The following DPYS variants were observed in gnomAD, a reference collection of about 807,000 sequenced individuals.
DPYS encodes the protein dihydropyrimidine amidohydrolase.
A neutral mutation model predicts 50.3 loss-of-function variants in DPYS; 39 were observed. The observed-to-expected ratio is 0.78, with a 90% CI of 0.60 to 1.01. DPYS has a LOEUF of 1.01. DPYS is among the 50% of genes least tolerant of loss of function. The pLI is 0.00. For missense variants in DPYS, 659 were observed against 680.9 expected, an observed-to-expected ratio of 0.97 and a Z score of 0.36; for synonymous variants, 245 against 250.7, an observed-to-expected ratio of 0.98 and a Z score of 0.22.
intron 7 of DPYS, among the ~76,000 whole-genome samples, chr8:104,413,659 C>A (rs1812270940): frequency 6.6e-6 from 1 of 152,186 alleles, no homozygotes; most frequent in Admixed American, 6.5e-5. Flanking sequence ...TTTTTAATTA[C>A]TCACTGAATA....
intron 1 of DPYS, 39 bp downstream of exon 1, chr8:104,466,618 C>G: frequency 6.7e-7 from 1 of 1,494,694 alleles, no homozygotes; most frequent in Non-Finnish European, 8.9e-7. Flanking sequence ...CCCGAGCCTC[C>G]GTGGGTACCG....
chr8:104,386,885 C>A (rs1811229160), intron 8 of DPYS, among the ~76,000 whole-genome samples: 1 of 152,106 alleles, frequency 6.6e-6, no homozygotes, highest in South Asian at 2.1e-4. Context: ...GCTTCAGCAT[C>A]CCAAAGTGCT....
chr8:104,455,827 G>A (rs1027517568), intron 1 of DPYS, among the ~76,000 whole-genome samples: 2 of 151,850 alleles, frequency 1.3e-5, no homozygotes, highest in African/African-American at 4.8e-5. Context: ...TATAATTCCA[G>A]GTCATTTTAA....
At chr8:104,406,590 C>A (rs907188977) in intron 7 of DPYS, among the ~76,000 whole-genome samples, 4 of 152,174 alleles carry the variant, frequency 2.6e-5, no homozygotes, top group Non-Finnish European at 5.9e-5. Flanking sequence ...TTCATCTTTC[C>A]CTGTGGGGCT....
intron 6 of DPYS, among the ~76,000 whole-genome samples, chr8:104,426,669 G>T (rs1361217129): frequency 6.6e-6 from 1 of 152,158 alleles, no homozygotes; most frequent in Non-Finnish European, 1.5e-5. Flanking sequence ...GGTGAAAAGG[G>T]CATGACACTG....
intron 1 of DPYS, among the ~76,000 whole-genome samples, chr8:104,458,318 T>C (rs1588462823): frequency 6.6e-6 from 1 of 152,312 alleles, no homozygotes; most frequent in African/African-American, 2.4e-5. Flanking sequence ...CAAAGCTGTC[T>C]ATTGAGCTAT....
chr8:104,400,336 A>T (rs1361587112), intron 7 of DPYS, among the ~76,000 whole-genome samples: 1 of 152,252 alleles, frequency 6.6e-6, no homozygotes, highest in Non-Finnish European at 1.5e-5. Flanking sequence ...AGAACCAAGA[A>T]GATCTTTTCA....
At chr8:104,430,853 C>G (rs370122537) in intron 4 of DPYS, among the ~76,000 whole-genome samples, 3 of 152,116 alleles carry the variant, frequency 2.0e-5, no homozygotes, top group Non-Finnish European at 4.4e-5. Context: ...ACTTTGCTTC[C>G]GTGACATACC....
chr8:104,401,517 C>T (rs764740457), intron 7 of DPYS, among the ~76,000 whole-genome samples: 9 of 152,058 alleles, frequency 5.9e-5, no homozygotes, highest in African/African-American at 9.7e-5. Flanking sequence ...TGGGAAGCTA[C>T]CTGGAAAGCA....
chr8:104,420,252 G>A (rs1438917571), intron 7 of DPYS: 2 of 152,112 alleles, frequency 1.3e-5, no homozygotes, highest in East Asian at 3.9e-4. Context: ...AAATATTATT[G>A]CACTTCAGAA....
Position 104,427,920 on chromosome 8 carries a change from A to T in DPYS, c.1092+60T>A. ...AAAATTTGTGCCACTCTGGTCCTCA[A>T]ATGGGCAGGATCCTGGCTGAAGAAC... is the stretch of plus-strand genomic sequence containing the variant. On this transcript the variant is annotated intron_variant, in intron 6 of 9. Coordinates refer to ENST00000351513, the MANE Select transcript of DPYS (RefSeq NM_001385.3). 2.5e-6 allele frequency: 4 copies of T among 1,612,442 alleles called. No individual in the cohort carries two copies. The South Asian group carries it at 4.4e-5, about 18-fold the overall frequency.
intron 7 of DPYS, chr8:104,420,616 G>C (rs905831832): frequency 2.1e-5 from 3 of 145,004 alleles, no homozygotes; most frequent in African/African-American, 7.6e-5. Flanking sequence ...AAAGAAGCAA[G>C]ATATAGAGTA....
chr8:104,464,363 T>G (rs1814274878), intron 1 of DPYS, among the ~76,000 whole-genome samples: 2 of 152,210 alleles, frequency 1.3e-5, no homozygotes, highest in Non-Finnish European at 2.9e-5. Flanking sequence ...AAGATAATCT[T>G]GAGAAAGAGA....
intron 4 of DPYS, among the ~76,000 whole-genome samples, chr8:104,444,003 C>T (rs1029010979): frequency 1.3e-5 from 2 of 151,744 alleles, no homozygotes; most frequent in Non-Finnish European, 2.9e-5. Flanking sequence ...GTCCTGGGGT[C>T]GCAAGGATGG....
At chr8:104,393,094 CTAT>C in intron 7 of DPYS, 103 bp from the exon 8 acceptor site, 1 of 1,035,344 alleles carries the variant, frequency 9.7e-7, no homozygotes, top group South Asian at 1.4e-5. Flanking sequence ...CTTAGCAACT[CTAT>C]TAAGTCATAG....
intron 7 of DPYS, among the ~76,000 whole-genome samples, chr8:104,413,905 C>T (rs567124283): frequency 2.0e-5 from 3 of 152,082 alleles, no homozygotes; most frequent in South Asian, 4.1e-4. Context: ...AGGGTGGATA[C>T]AGGAGAGGTC....
chr8:104,416,198 C>T (rs776860540), intron 7 of DPYS, among the ~76,000 whole-genome samples: 8 of 152,188 alleles, frequency 5.3e-5, no homozygotes, highest in Non-Finnish European at 1.2e-4. Flanking sequence ...CCCAATAGCC[C>T]AGATGGCAGG....
intron 4 of DPYS, among the ~76,000 whole-genome samples, chr8:104,433,027 G>A (rs558675269): frequency 2.6e-5 from 4 of 152,264 alleles, no homozygotes; most frequent in Non-Finnish European, 4.4e-5. Flanking sequence ...GTTCTTATAC[G>A]AAGAGGAAAT....
At chr8:104,447,995 T>C (rs1263008972) in intron 2 of DPYS, among the ~76,000 whole-genome samples, 1 of 151,996 alleles carries the variant, frequency 6.6e-6, no homozygotes, top group Non-Finnish European at 1.5e-5. Context: ...CACAAACTCA[T>C]GGTTTAGCTG....
Sources: allele counts gnomAD v4.1 joint callset (sites outside exome capture counted in the v4.1 genomes callset), GRCh38; gene constraint gnomAD v4.1.1; transcripts MANE v1.5; gene names NCBI Gene and HGNC (gene_info 2026-07-23, HGNC 2026-07-21).